Variants in EMILIN2 observed in about 807,000 individuals in gnomAD.
EMILIN2 encodes elastin microfibril interfacer 2.
In EMILIN2, 71 loss-of-function variants were observed where a neutral mutation model predicts 87.1. The observed-to-expected ratio is 0.82, with a 90% CI of 0.67 to 0.99. EMILIN2 has a LOEUF of 0.99. EMILIN2 is among the 50% of genes least tolerant of loss of function. The pLI is 0.00. For missense variants in EMILIN2, 1,407 were observed against 1,371.8 expected (o/e 1.03, Z -0.40); for synonymous variants, 581 against 563.4 (o/e 1.03, Z -0.44).
chr18:2,881,704 G>A (rs2076777608), intron 2 of EMILIN2, among the ~76,000 whole-genome samples: 1 of 152,212 alleles, frequency 6.6e-6, no homozygotes, highest in East Asian at 1.9e-4. Context: ...AAACCCGAGA[G>A]CAAACACATT....
intron 4 of EMILIN2, among the ~76,000 whole-genome samples, chr18:2,899,793 C>T (rs913024789): frequency 2.0e-5 from 3 of 152,152 alleles, no homozygotes; most frequent in East Asian, 1.9e-4. Context: ...CGTGAGCCAC[C>T]GCGCGCGGCC....
intron 2 of EMILIN2, among the ~76,000 whole-genome samples, chr18:2,855,511 A>T (rs1040040402): frequency 1.3e-5 from 2 of 152,190 alleles, no homozygotes; most frequent in Non-Finnish European, 2.9e-5. Context: ...AAGCTCCGTA[A>T]CTGGTCTTCC....
intron 7 of EMILIN2, among the ~76,000 whole-genome samples, chr18:2,910,422 G>C (rs775087822): frequency 6.6e-6 from 1 of 152,154 alleles, no homozygotes; most frequent in Non-Finnish European, 1.5e-5. Context: ...GTTTACCTCC[G>C]AGTTCCCTGT....
At chr18:2,911,778 C>T (rs1335870542) in intron 7 of EMILIN2, among the ~76,000 whole-genome samples, 1 of 152,226 alleles carries the variant, frequency 6.6e-6, no homozygotes, top group Non-Finnish European at 1.5e-5. Context: ...CCAGAGCTAT[C>T]TCTTGTCTTG....
rs144986679 is a variant in EMILIN2 at position 2,885,243 on chromosome 18, T to C, written c.433+104T>C. The C allele has an allele frequency of 2.3e-3, 2,993 of 1,280,168 alleles. 43 individuals are homozygous for C. The African/African-American group carries it at 0.032, about 14-fold the overall frequency. The allele number at this position is 1,280,168 out of a possible 1,614,324, so 79.3% of individuals were successfully genotyped here. On this transcript the variant is annotated intron_variant, in intron 3 of 7. Transcript: ENST00000254528. ...TACAATGGTGAGCTTTGAATGGCCT[T>C]CGAATAACACACATAGATACCTGCA... is the stretch of plus-strand genomic sequence containing the variant.
chr18:2,912,241 G>A (rs758399810), intron 7 of EMILIN2, among the ~76,000 whole-genome samples: 12 of 151,776 alleles, frequency 7.9e-5, no homozygotes, highest in Non-Finnish European at 1.5e-4. Flanking sequence ...GGGGTTATCC[G>A]TGTTGGCCAG....
chr18:2,847,108 G>A lies in EMILIN2; in HGVS notation c.-81G>A. 2.8e-6 allele frequency: 3 copies of A among 1,071,048 alleles called. No individual in the cohort carries two copies. The highest frequency in any genetic ancestry group is 3.4e-6 in the Non-Finnish European group (3 of 880,324). 66.3% of individuals were successfully genotyped at this position (1,071,048 alleles called of 1,614,324 possible). ...TCTTGCCTTCGCGGGCGGCGCCCTG[G>A]CCGCCGGCAGCCTTGTGGCCGGTGC... On this transcript the variant is annotated 5_prime_UTR_variant, in exon 1 of 8. Transcript: ENST00000254528. This position sits in a 1 kb window ranked among gnomAD's most constrained non-coding sequence, Gnocchi z 4.5.
In EMILIN2 at chr18:2,909,768, C is replaced by G; in HGVS notation, c.2773C>G (p.Leu925Val). ...KPFPSDGGVV[L>V]FNKVLVNDGD... Reference sequence around the variant, plus strand: ...TTTCCCCAGTGATGGGGGCGTTGTCCTCTTTAACAAAGTGCTGGTGAACGA... The same window carrying G: ...TTTCCCCAGTGATGGGGGCGTTGTCGTCTTTAACAAAGTGCTGGTGAACGA... Residue 925 changes from leucine (L) to valine (V), a missense_variant, in exon 7 of 8, where the codon CTC (leucine) becomes GTC (valine). Leu to Val is a conservative substitution (Grantham distance 32). Transcript: ENST00000254528. 6.2e-7 allele frequency: 1 copy of G among 1,612,712 alleles called. No individual in the cohort carries two copies. The highest frequency in any genetic ancestry group is 8.5e-7 in the Non-Finnish European group (1 of 1,179,602).
At chr18:2,906,719 G>C (rs2076914389) in intron 4 of EMILIN2, 64 bp from the exon 5 acceptor site, 2 of 1,183,668 alleles carry the variant, frequency 1.7e-6, no homozygotes, top group South Asian at 3.8e-5. Context: ...AGGGGACCCT[G>C]ACGGGGCAGT....
intron 2 of EMILIN2, among the ~76,000 whole-genome samples, chr18:2,855,101 G>A (rs766619808): frequency 2.0e-5 from 3 of 152,168 alleles, no homozygotes; most frequent in South Asian, 2.1e-4. Context: ...AATCCCAGGC[G>A]CCCAGCCCTC....
intron 3 of EMILIN2, among the ~76,000 whole-genome samples, chr18:2,889,490 C>T (rs1481293257): frequency 1.3e-5 from 2 of 151,872 alleles, no homozygotes; most frequent in African/African-American, 4.8e-5. Flanking sequence ...TTCTTATTGT[C>T]CTATTGCTGC....
At chr18:2,871,369 A>G (rs1293459565) in intron 2 of EMILIN2, among the ~76,000 whole-genome samples, 2 of 152,100 alleles carry the variant, frequency 1.3e-5, no homozygotes, top group Non-Finnish European at 2.9e-5. Context: ...GAGCCACCAC[A>G]CCTGGCAGGG....
intron 2 of EMILIN2, among the ~76,000 whole-genome samples, chr18:2,868,604 G>A (rs1445308673): frequency 6.6e-6 from 1 of 152,256 alleles, no homozygotes; most frequent in Non-Finnish European, 1.5e-5. Flanking sequence ...GACCAGCCCG[G>A]CCAACACAGC....
At chr18:2,868,094 C>A (rs942624394) in intron 2 of EMILIN2, among the ~76,000 whole-genome samples, 3 of 151,866 alleles carry the variant, frequency 2.0e-5, no homozygotes, top group Non-Finnish European at 2.9e-5. Flanking sequence ...GAGCGGCTGC[C>A]GGGTGGAGGG....
rs2143939037 is a variant in EMILIN2, at chr18:2,847,206, G to A, written c.18G>A (p.Arg6=). The A allele has an allele frequency of 3.3e-6, 4 of 1,225,518 alleles. No homozygotes were observed. The South Asian group carries it at 8.5e-5, about 26-fold the overall frequency. The allele number at this position is 1,225,518 out of a possible 1,614,324, so 75.9% of individuals were successfully genotyped here. A position where few individuals can be genotyped will look rare whatever the true frequency, so the allele number is the denominator to read the frequency against. Residue 6 remains arginine, a synonymous_variant, in exon 1 of 8, where the codon CGG becomes CGA. Transcript: ENST00000254528. The surrounding 1 kb of genome is among the most constrained non-coding windows in gnomAD (Gnocchi z 4.5). The stretch of plus-strand genomic sequence containing the variant: ...CGCGCGGGATGTGGCAGCCCAGACG[G>A]CCCTGGCCCCGCGTGCCCTGGCGCT... MWQPR[R]PWPRVPWRWA... is the part of the protein sequence containing the mutation.
At chr18:2,867,746 A>T (rs970904119) in intron 2 of EMILIN2, among the ~76,000 whole-genome samples, 44 of 152,320 alleles carry the variant, frequency 2.9e-4, no homozygotes, top group South Asian at 6.2e-4. Context: ...TCCCATGTCT[A>T]CTTCTTTCTA....
chr18:2,882,651 G>T (rs2076782385), intron 2 of EMILIN2, among the ~76,000 whole-genome samples: 1 of 152,084 alleles, frequency 6.6e-6, no homozygotes, highest in African/African-American at 2.4e-5. Context: ...GGGGCTAAAG[G>T]GTGGGTAGAT....
At chr18:2,882,137 T>C (rs515874) in intron 2 of EMILIN2, among the ~76,000 whole-genome samples, 112,188 of 152,138 alleles carry the variant, frequency 0.74, 42,008 homozygotes, top group Non-Finnish European at 0.77. Flanking sequence ...GCCTCTGTTT[T>C]CTCACTTGTG....
At chr18:2,858,583 G>GTGTGTGTATATATATA (rs1180735843) in intron 2 of EMILIN2, among the ~76,000 whole-genome samples, 4 of 63,064 alleles carry the variant, frequency 6.3e-5, no homozygotes, top group African/African-American at 3.7e-4. Context: ...GTGTGTGTGT[G>GTGTGTGTATATATATA]TATATATATA....
Sources: allele counts gnomAD v4.1 joint callset (sites outside exome capture counted in the v4.1 genomes callset), GRCh38; gene constraint gnomAD v4.1.1; non-coding constraint Gnocchi (gnomAD v3.1); transcripts MANE v1.5; gene names NCBI Gene and HGNC (gene_info 2026-07-23, HGNC 2026-07-21).